The following RAI14 variants were observed in gnomAD, a reference collection of about 807,000 sequenced individuals.
RAI14 encodes ankycorbin.
Under a neutral mutation model 115.4 loss-of-function variants are expected in RAI14, and 45 were observed. That is an observed-to-expected ratio of 0.39 (90% CI 0.31 to 0.50). RAI14 has a LOEUF of 0.50. Ranked by LOEUF, RAI14 falls within the 20% of genes least tolerant of loss-of-function variation. The probability of loss-of-function intolerance (pLI) is 0.85; values close to 1 mark genes in which losing one functional copy is unlikely to be tolerated. For missense variants in RAI14, 939 were observed against 1,131.2 expected (o/e 0.83, Z 2.44); for synonymous variants, 371 against 415.4 (o/e 0.89, Z 1.30).
intron 13 of RAI14, among the ~76,000 whole-genome samples, chr5:34,820,293 GT>G (rs1756687999): frequency 6.6e-6 from 1 of 152,182 alleles, no homozygotes. Context: ...TAATTAAGGA[GT>G]TTGAGCTGGG....
intron 3 of RAI14, among the ~76,000 whole-genome samples, chr5:34,767,291 C>T (rs1413201097): frequency 6.6e-6 from 1 of 152,194 alleles, no homozygotes; most frequent in Non-Finnish European, 1.5e-5. Flanking sequence ...GTTCCCTCCA[C>T]TGGCTGGACC....
intron 17 of RAI14, among the ~76,000 whole-genome samples, chr5:34,830,022 G>A (rs1428995558): frequency 6.6e-6 from 1 of 152,124 alleles, no homozygotes; most frequent in Admixed American, 6.5e-5. Flanking sequence ...GCCTCACTCT[G>A]TCATGCAGGC....
chr5:34,665,196 T>TACACACAC (rs1743105963), intron 1 of RAI14, among the ~76,000 whole-genome samples: 1 of 97,690 alleles, frequency 1.0e-5, no homozygotes, highest in African/African-American at 4.1e-5. Context: ...TATGTATATA[T>TACACACAC]ATACACACAC....
At chr5:34,711,982 G>A (rs1741454333) in intron 2 of RAI14, among the ~76,000 whole-genome samples, 1 of 151,840 alleles carries the variant, frequency 6.6e-6, no homozygotes. Flanking sequence ...CATGCTTGCT[G>A]CCGTCTTGAA....
intron 2 of RAI14, among the ~76,000 whole-genome samples, chr5:34,746,085 A>AC (rs1250525639): frequency 0.021 from 709 of 33,270 alleles, no homozygotes; most frequent in South Asian, 0.024. Flanking sequence ...CTTATACACC[A>AC]CCCCCTCCCC....
chr5:34,692,145 C>A (rs1185849884), intron 2 of RAI14, among the ~76,000 whole-genome samples: 1 of 152,182 alleles, frequency 6.6e-6, no homozygotes, highest in Non-Finnish European at 1.5e-5. Flanking sequence ...TGCTCGTAAT[C>A]CCAGCTACTC....
chr5:34,802,468 G>A (rs969614825), intron 4 of RAI14, among the ~76,000 whole-genome samples: 13 of 152,138 alleles, frequency 8.5e-5, no homozygotes, highest in Non-Finnish European at 1.3e-4. Context: ...ACTAGGTGTG[G>A]TGGGGTGTCT....
At chr5:34,691,387 C>G (rs1301907937) in intron 2 of RAI14, among the ~76,000 whole-genome samples, 1 of 152,194 alleles carries the variant, frequency 6.6e-6, no homozygotes, top group African/African-American at 2.4e-5. Flanking sequence ...GCAGAGTTCT[C>G]AGTCATCATT....
intron 2 of RAI14, among the ~76,000 whole-genome samples, chr5:34,746,899 A>G (rs577390197): frequency 2.6e-5 from 4 of 152,260 alleles, no homozygotes; most frequent in East Asian, 1.9e-4. Context: ...TTCCTGTGCT[A>G]TTCTCATGAT....
At chr5:34,740,074 C>T (rs1745316947) in intron 2 of RAI14, among the ~76,000 whole-genome samples, 1 of 152,080 alleles carries the variant, frequency 6.6e-6, no homozygotes, top group South Asian at 2.1e-4. Flanking sequence ...ATAAAAGCTA[C>T]AGTCCCTGTT....
At chr5:34,798,912 G>A (rs1187073269) in intron 4 of RAI14, among the ~76,000 whole-genome samples, 1 of 152,174 alleles carries the variant, frequency 6.6e-6, no homozygotes, top group Non-Finnish European at 1.5e-5. Flanking sequence ...ATGTCTCAGA[G>A]CTCCCGTCAC....
At chr5:34,721,291 GTATATA>G (rs10538679) in intron 2 of RAI14, among the ~76,000 whole-genome samples, 12,473 of 131,048 alleles carry the variant, frequency 0.095, 816 homozygotes, top group Middle Eastern at 0.19. Context: ...ATGTAGATGT[GTATATA>G]TATATATATA....
At chr5:34,790,681 A>C (rs1021250584) in intron 3 of RAI14, among the ~76,000 whole-genome samples, 38 of 151,520 alleles carry the variant, frequency 2.5e-4, no homozygotes, top group African/African-American at 8.7e-4. Flanking sequence ...CCTAGCCTGC[A>C]CATTTTTTAA....
At chr5:34,707,337 G>T (rs1381784733) in intron 2 of RAI14, among the ~76,000 whole-genome samples, 6 of 152,184 alleles carry the variant, frequency 3.9e-5, no homozygotes, top group African/African-American at 1.4e-4. Context: ...CGTGGTGTCA[G>T]GTGCCTGTAG....
At chr5:34,780,666 T>C (rs559120948) in intron 3 of RAI14, among the ~76,000 whole-genome samples, 21,557 of 151,978 alleles carry the variant, frequency 0.14, 1,788 homozygotes, top group African/African-American at 0.23. Context: ...ATCAAAACCA[T>C]AATGAGATAC....
intron 5 of RAI14, among the ~76,000 whole-genome samples, chr5:34,805,259 T>TGGATG (rs1240761182): frequency 1.7e-4 from 26 of 152,316 alleles, no homozygotes; most frequent in Admixed American, 1.1e-3. Context: ...AAACCTCAGC[T>TGGATG]GTGTCCTCCT....
At chr5:34,721,067 C>G (rs913145614) in intron 2 of RAI14, among the ~76,000 whole-genome samples, 1 of 151,880 alleles carries the variant, frequency 6.6e-6, no homozygotes. Flanking sequence ...TGCCTTCCCA[C>G]ATGGGTTCTC....
intron 3 of RAI14, among the ~76,000 whole-genome samples, chr5:34,769,596 T>C (rs911195507): frequency 6.6e-6 from 1 of 152,174 alleles, no homozygotes; most frequent in Non-Finnish European, 1.5e-5. Context: ...CCTAGACTTT[T>C]AGAGGAGAAA....
chr5:34,672,356 AAGGTATGT>A (rs1743678171), intron 1 of RAI14, among the ~76,000 whole-genome samples: 1 of 152,186 alleles, frequency 6.6e-6, no homozygotes. Context: ...CATTAGATGC[AAGGTATGT>A]AGGTTTGTGG....
Sources: allele counts gnomAD v4.1 joint callset (sites outside exome capture counted in the v4.1 genomes callset), GRCh38; gene constraint gnomAD v4.1.1; transcripts MANE v1.5; gene names NCBI Gene and HGNC (gene_info 2026-07-23, HGNC 2026-07-21).